RNF216: variants seen among roughly 807,000 people sequenced by gnomAD.
RNF216 encodes ring finger protein 216, also known as E3 ubiquitin-protein ligase RNF216.
In RNF216, 72 loss-of-function variants were observed where a neutral mutation model predicts 110.8. The ratio of observed to expected loss-of-function variants is 0.65; its 90% CI spans 0.54 to 0.79. The LOEUF is 0.79. Among genes scored for constraint, RNF216 ranks in the 30% least tolerant of loss-of-function variants. RNF216 has a pLI of 0.00. For missense variants in RNF216, 1,342 were observed against 1,141.2 expected, an observed-to-expected ratio of 1.18 and a Z score of -2.54; for synonymous variants, 495 against 407.5, an observed-to-expected ratio of 1.21 and a Z score of -2.59.
At chr7:5,770,856 G>A (rs556933395) in intron 1 of RNF216, among the ~76,000 whole-genome samples, 132 of 151,564 alleles carry the variant, frequency 8.7e-4, no homozygotes, top group African/African-American at 3.1e-3. Flanking sequence ...CGCCCAGGCC[G>A]GAGTGCAGTG....
intron 13 of RNF216, among the ~76,000 whole-genome samples, chr7:5,706,658 T>G (rs745716911): frequency 6.6e-6 from 1 of 152,248 alleles, no homozygotes; most frequent in Non-Finnish European, 1.5e-5. Context: ...GTGGCTACTG[T>G]GAATAATGCT....
chr7:5,677,369 G>C (rs747182290), intron 13 of RNF216, among the ~76,000 whole-genome samples: 1 of 152,156 alleles, frequency 6.6e-6, no homozygotes, highest in Non-Finnish European at 1.5e-5. Context: ...TCCATTGTAA[G>C]ACTGGACTAC....
At chr7:5,649,202 G>A (rs1259410152) in intron 14 of RNF216, among the ~76,000 whole-genome samples, 2 of 151,978 alleles carry the variant, frequency 1.3e-5, no homozygotes, top group African/African-American at 4.8e-5. Flanking sequence ...GCCAACCACG[G>A]CCGACAAAGT....
chr7:5,698,279 G>A (rs910779619), intron 13 of RNF216, among the ~76,000 whole-genome samples: 2 of 152,080 alleles, frequency 1.3e-5, no homozygotes, highest in Admixed American at 1.3e-4. Context: ...AGCAAGGAGG[G>A]TCTGTTACAG....
intron 1 of RNF216, among the ~76,000 whole-genome samples, chr7:5,766,350 A>G (rs769876749): frequency 2.0e-5 from 3 of 152,158 alleles, no homozygotes; most frequent in Admixed American, 2.0e-4. Flanking sequence ...GTGATGCTCT[A>G]AAGTGTGTCA....
intron 1 of RNF216, chr7:5,774,950 T>A (rs1796695260): frequency 6.6e-6 from 1 of 152,132 alleles, no homozygotes; most frequent in South Asian, 2.1e-4. Context: ...GGTTTCGCCA[T>A]CTTAGGTTGG....
chr7:5,781,435 GC>G (rs2128690121), intron 1 of RNF216, 105 bp downstream of exon 1: 1 of 126,808 alleles, frequency 7.9e-6, no homozygotes, highest in African/African-American at 3.0e-5. Flanking sequence ...CACGGCCCGC[GC>G]CCCCGCCCCC....
chr7:5,757,615 C>A (rs1362549484), intron 2 of RNF216, among the ~76,000 whole-genome samples: 1 of 152,084 alleles, frequency 6.6e-6, no homozygotes, highest in Non-Finnish European at 1.5e-5. Flanking sequence ...AAAAACATTA[C>A]CTTTCACAAA....
intron 5 of RNF216, among the ~76,000 whole-genome samples, chr7:5,732,015 T>C (rs1794120926): frequency 6.6e-6 from 1 of 152,134 alleles, no homozygotes; most frequent in African/African-American, 2.4e-5. Flanking sequence ...GAGTCCCATA[T>C]ACTCTTCATC....
intron 14 of RNF216, among the ~76,000 whole-genome samples, chr7:5,646,788 GA>G (rs879682132): frequency 3.1e-4 from 45 of 145,466 alleles, no homozygotes; most frequent in Admixed American, 4.1e-4. Flanking sequence ...TCAATGCCAG[GA>G]AAAAAAAAAA....
chr7:5,663,587 A>G (rs1403659026), intron 13 of RNF216, among the ~76,000 whole-genome samples: 20 of 48,720 alleles, frequency 4.1e-4, no homozygotes, highest in African/African-American at 8.4e-4. Flanking sequence ...CCACCTCAGG[A>G]AAAAAAAAAA....
intron 1 of RNF216, chr7:5,766,759 G>C (rs537338409): frequency 2.2e-4 from 33 of 152,336 alleles, no homozygotes; most frequent in Admixed American, 1.7e-3. Flanking sequence ...ATATAGCACA[G>C]AAAATAATGA....
chr7:5,661,853 C>CA (rs1219556247), intron 13 of RNF216, among the ~76,000 whole-genome samples: 1 of 152,118 alleles, frequency 6.6e-6, no homozygotes, highest in East Asian at 1.9e-4. Flanking sequence ...TCAGAGGGTC[C>CA]AATTAATTTG....
intron 15 of RNF216, among the ~76,000 whole-genome samples, chr7:5,633,413 T>C (rs541094154): frequency 1.4e-4 from 22 of 151,988 alleles, no homozygotes; most frequent in African/African-American, 5.1e-4. Flanking sequence ...CCGTCTCTAC[T>C]AAAATACGAA....
chr7:5,668,934 C>A (rs892212381), intron 13 of RNF216, among the ~76,000 whole-genome samples: 4 of 152,194 alleles, frequency 2.6e-5, no homozygotes, highest in African/African-American at 9.6e-5. Flanking sequence ...ACTTTCACAC[C>A]TTCACTCATC....
At position 5,620,398 on chromosome 7, in the gene RNF216, C is replaced by A. The variant is rs1325235975; in HGVS notation, c.*2462G>T. ...CCTGTTGTCTGACCTGCTCTCTGGG[C>A]ACTGGCACGGCCCCTTGCTGGCTGG... is the stretch of plus-strand genomic sequence containing the variant. On this transcript the variant is annotated 3_prime_UTR_variant, in exon 17 of 17. Coordinates refer to ENST00000389902, the MANE Select transcript of RNF216 (RefSeq NM_207111.4). 7 of 152,306 alleles carry A rather than the reference C, an allele frequency of 4.6e-5. No individual in the cohort carries two copies. The highest frequency in any genetic ancestry group is 4.6e-4 in the Admixed American group (7 of 15,294). The allele number at this position is 152,306 out of a possible 1,614,324, so 9.4% of individuals were successfully genotyped here. A position where few individuals can be genotyped will look rare whatever the true frequency, so the allele number is the denominator to read the frequency against.
rs961201350 is a variant in RNF216 at position 5,621,764 on chromosome 7, G to A, written c.*1096C>T. On this transcript the variant is annotated 3_prime_UTR_variant, in exon 17 of 17. Transcript: ENST00000389902. Reference sequence around the variant, plus strand: ...ACCTCTCATCTGTCAATGGGCCAGAGTGATGCCTCAGGCACCGCTAGAAAC... The same window carrying A: ...ACCTCTCATCTGTCAATGGGCCAGAATGATGCCTCAGGCACCGCTAGAAAC... 7.2e-5 allele frequency: 11 copies of A among 152,760 alleles called. No homozygotes were observed. The highest frequency in any genetic ancestry group is 2.7e-4 in the African/African-American group (11 of 41,460). The allele number at this position is 152,760 out of a possible 1,614,324, so 9.5% of individuals were successfully genotyped here. A position where few individuals can be genotyped will look rare whatever the true frequency, so the allele number is the denominator to read the frequency against.
chr7:5,639,763 A>T (rs1324428266), intron 15 of RNF216, among the ~76,000 whole-genome samples: 2 of 134,800 alleles, frequency 1.5e-5, no homozygotes, highest in Admixed American at 7.5e-5. Flanking sequence ...CCTAGCCTTA[A>T]TTTTTTTTTT....
At chr7:5,720,475 T>A (rs1473448296) in intron 9 of RNF216, among the ~76,000 whole-genome samples, 1 of 152,224 alleles carries the variant, frequency 6.6e-6, no homozygotes, top group Non-Finnish European at 1.5e-5. Context: ...AGGCTTCCTG[T>A]CAACGGTAGG....
Sources: gnomAD v4.1 joint callset for allele counts (sites outside exome capture counted in the v4.1 genomes callset) on GRCh38, gnomAD v4.1.1 for gene constraint, MANE v1.5 for transcripts, NCBI Gene and HGNC (gene_info 2026-07-23, HGNC 2026-07-21) for gene names.